The following OCM variants were observed in gnomAD, a reference collection of about 807,000 sequenced individuals.
OCM encodes the protein oncomodulin.
Under a neutral mutation model 14.1 loss-of-function variants are expected in OCM, and 18 were observed. The ratio of observed to expected loss-of-function variants is 1.28; its 90% CI spans 0.88 to 1.89. The LOEUF is 1.89. Ranked by LOEUF, OCM falls within the 40% of genes most tolerant of loss-of-function variation. OCM has a pLI of 0.00. For missense variants in OCM, 140 were observed against 137.6 expected (o/e 1.02, Z -0.09); for synonymous variants, 48 against 51.0 (o/e 0.94, Z 0.25).
the OCM span, among the ~76,000 whole-genome samples, chr7:5,864,792 G>T: frequency 6.6e-6 from 1 of 152,048 alleles, no homozygotes; most frequent in Non-Finnish European, 1.5e-5. Context: ...TACAAAATTA[G>T]CCGGGCGTGG....
Position 5,882,605 on chromosome 7 carries a change from C to G in OCM, c.174C>G (p.Tyr58Ter). 1 of 1,614,028 alleles carries G rather than the reference C, an allele frequency of 6.2e-7. No individual in the cohort carries two copies. Among genetic ancestry groups the G allele is most frequent in the Middle Eastern group, 1.6e-4 (1 of 6,062 alleles). Residue 58 changes from tyrosine to a stop codon, truncating the protein, a stop_gained, in exon 2 of 4, where the codon TAC becomes TAG. Transcript: ENST00000242104. LOFTEE classifies it high-confidence loss of function. ...TCATAGACAACGACCAGAGCGGGTACCTGGATGAAGAAGAGCTTAAGTAAG... is the reference window on the plus strand; with the variant it reads ...TCATAGACAACGACCAGAGCGGGTAGCTGGATGAAGAAGAGCTTAAGTAAG... ...FRFIDNDQSG[Y>*]LDEEELKFFL...
At chr7:5,867,707 C>G in the OCM span, among the ~76,000 whole-genome samples, 1 of 151,306 alleles carries the variant, frequency 6.6e-6, no homozygotes, top group Non-Finnish European at 1.5e-5. Flanking sequence ...TGTGTTTCAG[C>G]TTGTATCTTT....
the OCM span, among the ~76,000 whole-genome samples, chr7:5,871,150 C>T: frequency 6.7e-6 from 1 of 149,956 alleles, no homozygotes; most frequent in African/African-American, 2.5e-5. Context: ...CATTTGAGAC[C>T]AGCCTGGGCA....
chr7:5,884,671 T>C (rs1324504109), intron 3 of OCM, among the ~76,000 whole-genome samples: 1 of 151,152 alleles, frequency 6.6e-6, no homozygotes, highest in Non-Finnish European at 1.5e-5. Context: ...GTCCTTCTGG[T>C]GGTGCTAATT....
chr7:5,882,494 C>G lies in OCM; in HGVS notation c.63C>G (p.Asp21Glu), dbSNP rs200506099. The G allele has an allele frequency of 4.0e-5, 64 of 1,614,036 alleles. No homozygotes were observed. In the African/African-American group the frequency reaches 7.3e-4, roughly 18 times the overall value. Residue 21 changes from aspartate to glutamate, a missense_variant and splice_region_variant, in exon 2 of 4, where the codon GAC (aspartate) becomes GAG (glutamate). Coordinates refer to ENST00000242104, the MANE Select transcript of OCM (RefSeq NM_001097622.2). ...AATAACCAATTCTCTGTTCTTCAGA[C>G]CCAGACACTTTTGAACCCCAAAAAT... ...DIAAALQECR[D>E]PDTFEPQKFF... is the part of the protein sequence containing the mutation.
the OCM span, among the ~76,000 whole-genome samples, chr7:5,870,439 T>C: frequency 1.3e-5 from 2 of 152,192 alleles, no homozygotes; most frequent in African/African-American, 4.8e-5. Flanking sequence ...TGCATTCTCA[T>C]AGCATCCTGT....
At chr7:5,882,405 T>C (rs1781235948) in intron 1 of OCM, 88 bp from the exon 2 acceptor site, 1 of 1,477,738 alleles carries the variant, frequency 6.8e-7, no homozygotes, top group African/African-American at 1.4e-5. Context: ...TGTTGAAGTG[T>C]TTTTAATTAT....
chr7:5,866,409 G>C, the OCM span, among the ~76,000 whole-genome samples: 8 of 93,112 alleles, frequency 8.6e-5, no homozygotes, highest in East Asian at 3.4e-4. Flanking sequence ...AAGAAGGAAG[G>C]GGGGGAGAGA....
chr7:5,860,019 T>C, the OCM span, among the ~76,000 whole-genome samples: 19 of 150,780 alleles, frequency 1.3e-4, no homozygotes, highest in African/African-American at 4.6e-4. Flanking sequence ...TTTTCCTGGG[T>C]TCTGAATCTC....
chr7:5,881,954 G>A (rs754861501), intron 1 of OCM, among the ~76,000 whole-genome samples: 1 of 151,750 alleles, frequency 6.6e-6, no homozygotes, highest in Admixed American at 6.6e-5. Context: ...GGGCATGGGG[G>A]TGCACACCTG....
chr7:5,873,709 G>A, the OCM span, among the ~76,000 whole-genome samples: 3 of 152,052 alleles, frequency 2.0e-5, no homozygotes, highest in Non-Finnish European at 4.4e-5. Context: ...AGAAAGGTTA[G>A]GAGGCCACCA....
the OCM span, among the ~76,000 whole-genome samples, chr7:5,864,335 A>C: frequency 7.1e-6 from 1 of 141,582 alleles, no homozygotes; most frequent in South Asian, 2.3e-4. Context: ...TGACAGGGGG[A>C]GACCTTGTCT....
At chr7:5,860,067 C>G in the OCM span, among the ~76,000 whole-genome samples, 4 of 151,548 alleles carry the variant, frequency 2.6e-5, no homozygotes, top group South Asian at 2.1e-4. Flanking sequence ...ACCCCCCCCA[C>G]AAAGAGAACC....
Position 5,885,568 on chromosome 7 carries a change from G to T in OCM, c.305-496G>T, listed in dbSNP as rs114906168. On this transcript the variant is annotated intron_variant, in intron 3 of 3. Coordinates refer to ENST00000242104, the MANE Select transcript of OCM (RefSeq NM_001097622.2). Reference sequence around the variant, plus strand: ...AATGGAACCCTGTGAACTTCCTCGAGATATAGTCATTGATACCCAGGGTTT... The same window carrying T: ...AATGGAACCCTGTGAACTTCCTCGATATATAGTCATTGATACCCAGGGTTT... Among the ~76,000 whole-genome samples the T allele has an allele frequency of 9.5e-3, 1,436 of 151,374 alleles. 31 individuals carry two copies. Among genetic ancestry groups the T allele is most frequent in the African/African-American group, 0.033 (1,353 of 41,284 alleles).
At chr7:5,861,904 T>G in the OCM span, among the ~76,000 whole-genome samples, 3 of 152,040 alleles carry the variant, frequency 2.0e-5, no homozygotes, top group Non-Finnish European at 4.4e-5. Flanking sequence ...AAAAATTTTT[T>G]TAGAGACAGG....
upstream of OCM, among the ~76,000 whole-genome samples, chr7:5,876,652 C>T (rs1292682747): frequency 6.6e-6 from 1 of 152,136 alleles, no homozygotes; most frequent in Non-Finnish European, 1.5e-5. Flanking sequence ...TTAAGAGAGG[C>T]TGCAGGTATC....
chr7:5,867,970 T>G, the OCM span, among the ~76,000 whole-genome samples: 2 of 151,960 alleles, frequency 1.3e-5, no homozygotes, highest in African/African-American at 4.8e-5. Flanking sequence ...ACTCCTGAGC[T>G]CTAGTGATCC....
chr7:5,876,786 T>C (rs111529585), upstream of OCM, among the ~76,000 whole-genome samples: 1,945 of 151,776 alleles, frequency 0.013, 38 homozygotes, highest in East Asian at 0.06. Flanking sequence ...CTGCTCTAGG[T>C]ATCCTGAATT....
At chr7:5,867,479 T>G in the OCM span, among the ~76,000 whole-genome samples, 2 of 152,168 alleles carry the variant, frequency 1.3e-5, no homozygotes, top group African/African-American at 4.8e-5. Flanking sequence ...CTCCTCCTCC[T>G]TTTTCCTCCT....
Sources: gnomAD v4.1 joint callset for allele counts (sites outside exome capture counted in the v4.1 genomes callset) on GRCh38, gnomAD v4.1.1 for gene constraint, MANE v1.5 for transcripts, NCBI Gene and HGNC (gene_info 2026-07-23, HGNC 2026-07-21) for gene names.